Variants in SLC38A8 observed in about 807,000 individuals in gnomAD.
SLC38A8 encodes amino acid transporter SLC38A8.
Under a neutral mutation model 46.0 loss-of-function variants are expected in SLC38A8, and 65 were observed. The observed-to-expected ratio is 1.41, with a 90% CI of 1.16 to 1.74. The LOEUF (loss-of-function observed/expected upper bound fraction) is 1.74, where lower values mean the gene tolerates loss of function less well. Among genes scored for constraint, SLC38A8 ranks in the 40% most tolerant of loss-of-function variants. The pLI is 0.00. For synonymous variants in SLC38A8, 447 were observed against 243.7 expected, an observed-to-expected ratio of 1.83 and a Z score of -7.77; for missense variants, 998 against 567.9, an observed-to-expected ratio of 1.76 and a Z score of -7.70.
At chr16:84,028,520 C>T (rs1309610761) in intron 6 of SLC38A8, among the ~76,000 whole-genome samples, 3 of 151,210 alleles carry the variant, frequency 2.0e-5, no homozygotes, top group African/African-American at 7.3e-5. Context: ...GAGCTGAGAT[C>T]CACTACACTC....
intron 7 of SLC38A8, among the ~76,000 whole-genome samples, chr16:84,022,376 G>C (rs916287297): frequency 1.3e-5 from 2 of 152,218 alleles, no homozygotes; most frequent in African/African-American, 4.8e-5. Context: ...CAGTTTGTGA[G>C]CACCTGAGTC....
At chr16:84,031,635 G>A (rs1360685806) in intron 5 of SLC38A8, among the ~76,000 whole-genome samples, 9 of 152,250 alleles carry the variant, frequency 5.9e-5, no homozygotes, top group African/African-American at 9.6e-5. Context: ...AGCCTTTGGC[G>A]GTTCTGCGTC....
intron 2 of SLC38A8, among the ~76,000 whole-genome samples, chr16:84,038,785 GGCTACT>G (rs1242512291): frequency 1.8e-4 from 27 of 152,164 alleles, no homozygotes; most frequent in African/African-American, 6.3e-4. Context: ...CGTAATTCCT[GGCTACT>G]CCCACTCCAT....
At chr16:84,013,118 G>A in intron 9 of SLC38A8, 66 bp from the exon 10 acceptor site, 3 of 1,597,596 alleles carry the variant, frequency 1.9e-6, no homozygotes, top group South Asian at 2.2e-5. Context: ...AAAGGTCCCG[G>A]GAGAGGTCCT....
At position 84,016,693 on chromosome 16, in the gene SLC38A8, A is replaced by T; in HGVS notation, c.988T>A (p.Leu330Met). ...AGGGCGCTGGGCCCCCATCCCCCCA[A>T]GCAGCTCCTCCTCCAGAAGTCCTGC... ...VMQDFWRRSCLGGWGPSALAD... is the reference protein window; with the variant it reads ...VMQDFWRRSCMGGWGPSALAD... The change falls in exon 9 of 11, where the codon TTG (leucine) becomes ATG (methionine). Residue 330 changes from leucine to methionine, a missense_variant. Leu to Met is a conservative substitution (Grantham distance 15). Transcript: ENST00000299709. 2 of 1,613,326 alleles carry T rather than the reference A, an allele frequency of 1.2e-6. No individual in the cohort carries two copies. The highest frequency in any genetic ancestry group is 1.7e-6 in the Non-Finnish European group (2 of 1,179,956).
At chr16:84,029,471 T>A in intron 6 of SLC38A8, 23 bp downstream of exon 6, 4 of 1,613,638 alleles carry the variant, frequency 2.5e-6, no homozygotes, top group Middle Eastern at 3.3e-4. Flanking sequence ...CGCCACAGGC[T>A]GCAACACAGA....
intron 8 of SLC38A8, 53 bp downstream of exon 8, chr16:84,017,087 G>T: frequency 6.2e-7 from 1 of 1,604,594 alleles, no homozygotes; most frequent in Non-Finnish European, 8.5e-7. Flanking sequence ...CTCAATCACA[G>T]CACACATCAG....
chr16:84,034,038 G>A (rs2085275530), intron 3 of SLC38A8, among the ~76,000 whole-genome samples: 1 of 152,188 alleles, frequency 6.6e-6, no homozygotes, highest in African/African-American at 2.4e-5. Flanking sequence ...GTTGCTTGGG[G>A]GGTCTCTGGC....
At chr16:84,020,379 C>G (rs2151116625) in intron 7 of SLC38A8, among the ~76,000 whole-genome samples, 1 of 152,290 alleles carries the variant, frequency 6.6e-6, no homozygotes, top group East Asian at 1.9e-4. Flanking sequence ...CTCCTGGCCT[C>G]AAGCAGTCCT....
In SLC38A8 at chr16:84,030,627, T is replaced by A. The variant is rs138879087; in HGVS notation, c.633-1076A>T. On this transcript the variant is annotated intron_variant, in intron 5 of 10. Transcript: ENST00000299709. ...GTCCTCTCTAATCCAGGAAACAGCA[T>A]CTCCATCCTTCCCACTGTTCAAGCT... 6.8e-3 allele frequency among the ~76,000 whole-genome samples: 1,030 copies of A among 152,216 alleles called. 5 individuals are homozygous for A. The highest frequency in any genetic ancestry group is 0.024 in the African/African-American group (990 of 41,542).
chr16:84,022,742 A>G (rs749935934), intron 7 of SLC38A8, 33 bp downstream of exon 7: 6 of 1,565,354 alleles, frequency 3.8e-6, no homozygotes, highest in Non-Finnish European at 5.3e-6. Context: ...GTCACTCCCC[A>G]CCCTCTGCAG....
intron 9 of SLC38A8, among the ~76,000 whole-genome samples, chr16:84,014,317 G>A (rs1485745531): frequency 1.4e-5 from 2 of 147,680 alleles, no homozygotes; most frequent in African/African-American, 2.5e-5. Flanking sequence ...AAGGAGCTGC[G>A]TGGCCACACC....
At chr16:84,042,283 T>A in intron 1 of SLC38A8, 124 bp from the exon 2 acceptor site, 2 of 1,025,330 alleles carry the variant, frequency 2.0e-6, no homozygotes, top group East Asian at 5.3e-5. Context: ...CCCGCTTCCT[T>A]GGCGTCAGCT....
intron 6 of SLC38A8, among the ~76,000 whole-genome samples, chr16:84,023,147 T>C (rs1039174438): frequency 1.3e-5 from 2 of 152,124 alleles, no homozygotes; most frequent in African/African-American, 2.4e-5. Flanking sequence ...TTCCTTTCCT[T>C]ATTTTTTAAA....
chr16:84,026,734 A>C (rs1043526093), intron 6 of SLC38A8, among the ~76,000 whole-genome samples: 1 of 152,258 alleles, frequency 6.6e-6, no homozygotes, highest in Non-Finnish European at 1.5e-5. Flanking sequence ...GACCACAGAT[A>C]GGGTGGCTAC....
chr16:84,015,393 C>A (rs1003764103), intron 9 of SLC38A8, among the ~76,000 whole-genome samples: 1 of 152,180 alleles, frequency 6.6e-6, no homozygotes, highest in Middle Eastern at 3.4e-3. Flanking sequence ...CGGTGTTTGC[C>A]TCCAGGGCCT....
chr16:84,017,117 C>G, intron 8 of SLC38A8, 23 bp downstream of exon 8: 1 of 1,612,466 alleles, frequency 6.2e-7, no homozygotes, highest in Admixed American at 1.7e-5. Context: ...CTTCACGGTG[C>G]CCCCCACTGA....
intron 10 of SLC38A8, among the ~76,000 whole-genome samples, chr16:84,011,794 G>A (rs571811168): frequency 1.3e-5 from 2 of 152,208 alleles, no homozygotes; most frequent in South Asian, 2.1e-4. Context: ...TGAGGCAGGA[G>A]GATTGCTTGA....
rs377684817 is a variant in SLC38A8, at chr16:84,012,421, T to C, written c.1214+580A>G. Among the ~76,000 whole-genome samples the C allele has an allele frequency of 5.8e-4, 88 of 152,334 alleles. 2 individuals carry two copies. In the South Asian group the frequency reaches 0.013, roughly 23 times the overall value. On this transcript the variant is annotated intron_variant, in intron 10 of 10. Coordinates refer to ENST00000299709, the MANE Select transcript of SLC38A8 (RefSeq NM_001080442.3). The stretch of plus-strand genomic sequence containing the variant: ...TCCAAATTATCTGGTCTCAACAGCA[T>C]TGTATGCCAGGCAGGTGGGTTAGCA...
Sources: allele counts gnomAD v4.1 joint callset (sites outside exome capture counted in the v4.1 genomes callset), GRCh38; gene constraint gnomAD v4.1.1; transcripts MANE v1.5; gene names NCBI Gene and HGNC (gene_info 2026-07-23, HGNC 2026-07-21).